The following DSCAM variants were observed in gnomAD, a reference collection of about 807,000 sequenced individuals.
DSCAM encodes the protein DS cell adhesion molecule, also known as cell adhesion molecule DSCAM.
Under a neutral mutation model 217.7 loss-of-function variants are expected in DSCAM, and 47 were observed. The observed-to-expected ratio is 0.22, with a 90% CI of 0.17 to 0.28. The LOEUF (loss-of-function observed/expected upper bound fraction) is 0.28. DSCAM is among the 10% of genes least tolerant of loss of function. The probability of loss-of-function intolerance (pLI) is 1.00; values close to 1 mark genes in which losing one functional copy is unlikely to be tolerated. For synonymous variants in DSCAM, 1,056 were observed against 1,015.3 expected (o/e 1.04, Z -0.76); for missense variants, 2,080 against 2,618.3 (o/e 0.79, Z 4.49).
At chr21:40,202,534 A>T (rs1012381577) in intron 11 of DSCAM, among the ~76,000 whole-genome samples, 1 of 152,224 alleles carries the variant, frequency 6.6e-6, no homozygotes, top group Admixed American at 6.5e-5. Context: ...CTGTGCCTCA[A>T]TTTCTGTACC....
chr21:40,248,059 T>C (rs1177237031), intron 11 of DSCAM, among the ~76,000 whole-genome samples: 1 of 152,162 alleles, frequency 6.6e-6, no homozygotes, highest in Non-Finnish European at 1.5e-5. Flanking sequence ...CTTTTAGTCA[T>C]GGCTGGAGTG....
chr21:40,767,739 T>C (rs1290617884), intron 1 of DSCAM, among the ~76,000 whole-genome samples: 1 of 152,206 alleles, frequency 6.6e-6, no homozygotes, highest in Non-Finnish European at 1.5e-5. Context: ...GTCCTGAGCA[T>C]CACAGCTAAT....
intron 28 of DSCAM, among the ~76,000 whole-genome samples, chr21:40,059,370 A>G (rs952649048): frequency 3.3e-5 from 5 of 152,238 alleles, no homozygotes; most frequent in Non-Finnish European, 7.3e-5. Context: ...AAAATCTTAC[A>G]TAAAAATATA....
At chr21:40,664,061 T>C (rs777859973) in intron 3 of DSCAM, among the ~76,000 whole-genome samples, 10 of 152,232 alleles carry the variant, frequency 6.6e-5, no homozygotes, top group Non-Finnish European at 1.2e-4. Flanking sequence ...CTACAACATA[T>C]GCACAAATAA....
intron 3 of DSCAM, among the ~76,000 whole-genome samples, chr21:40,690,183 T>C (rs980083370): frequency 1.3e-5 from 2 of 152,228 alleles, no homozygotes; most frequent in Non-Finnish European, 2.9e-5. Context: ...AGTGACTTCA[T>C]GACCTCCTTT....
chr21:40,569,453 G>A (rs2076789599), intron 3 of DSCAM, among the ~76,000 whole-genome samples: 1 of 152,188 alleles, frequency 6.6e-6, no homozygotes, highest in Admixed American at 6.5e-5. Flanking sequence ...GATTTAAGAG[G>A]AAAACTGAAG....
At chr21:40,525,192 T>C (rs2076391296) in intron 3 of DSCAM, among the ~76,000 whole-genome samples, 2 of 152,154 alleles carry the variant, frequency 1.3e-5, no homozygotes, top group Admixed American at 1.3e-4. Flanking sequence ...GTCCCAAAAG[T>C]GGATTTTATT....
chr21:40,763,394 A>T (rs1056843637), intron 1 of DSCAM, among the ~76,000 whole-genome samples: 1 of 152,182 alleles, frequency 6.6e-6, no homozygotes, highest in Non-Finnish European at 1.5e-5. Context: ...AAGGGATGCG[A>T]TAAGACCTCT....
intron 32 of DSCAM, among the ~76,000 whole-genome samples, chr21:40,021,205 CA>C (rs763435750): frequency 0.042 from 3,555 of 85,048 alleles, 84 homozygotes; most frequent in African/African-American, 0.14. Context: ...GACTCCGTCT[CA>C]AAAAAAAAAA....
At chr21:40,656,685 G>A (rs905066391) in intron 3 of DSCAM, among the ~76,000 whole-genome samples, 3 of 152,052 alleles carry the variant, frequency 2.0e-5, no homozygotes, top group South Asian at 2.1e-4. Flanking sequence ...TCTCTTCCTC[G>A]CTGTCTTTGA....
chr21:40,184,890 C>A (rs970391739), intron 14 of DSCAM, among the ~76,000 whole-genome samples: 3 of 152,140 alleles, frequency 2.0e-5, no homozygotes, highest in African/African-American at 7.2e-5. Context: ...TATTTTCCTG[C>A]ATGCTGGAGC....
intron 27 of DSCAM, among the ~76,000 whole-genome samples, chr21:40,066,869 C>T (rs1018353875): frequency 7.9e-5 from 12 of 152,296 alleles, no homozygotes; most frequent in African/African-American, 2.9e-4. Flanking sequence ...CCTGATTGCT[C>T]ACAAAACATC....
chr21:40,694,088 A>G (rs561002972), intron 2 of DSCAM, among the ~76,000 whole-genome samples: 1 of 152,242 alleles, frequency 6.6e-6, no homozygotes, highest in African/African-American at 2.4e-5. Context: ...ACACTTACCA[A>G]TAGCCAGAGA....
At chr21:40,379,894 C>T (rs1460939503) in intron 3 of DSCAM, among the ~76,000 whole-genome samples, 2 of 152,100 alleles carry the variant, frequency 1.3e-5, no homozygotes, top group Admixed American at 1.3e-4. Context: ...AGAGTATCAT[C>T]AAGATATCCA....
chr21:40,659,276 G>A (rs10854404), intron 3 of DSCAM, among the ~76,000 whole-genome samples: 37,864 of 152,038 alleles, frequency 0.25, 5,557 homozygotes, highest in East Asian at 0.4. Context: ...ATTGTCTGGT[G>A]TACTCCTGTT....
intron 4 of DSCAM, among the ~76,000 whole-genome samples, chr21:40,361,664 G>T (rs927461446): frequency 3.9e-5 from 6 of 152,036 alleles, no homozygotes; most frequent in South Asian, 4.2e-4. Flanking sequence ...AACAAAAAAG[G>T]GAAGCTATGT....
At chr21:40,685,465 C>G (rs539025338) in intron 3 of DSCAM, among the ~76,000 whole-genome samples, 5 of 152,268 alleles carry the variant, frequency 3.3e-5, no homozygotes, top group African/African-American at 1.2e-4. Context: ...TGACCTGCCC[C>G]CAAAGGAAAC....
chr21:40,449,031 T>G (rs925519141), intron 3 of DSCAM, among the ~76,000 whole-genome samples: 1 of 152,206 alleles, frequency 6.6e-6, no homozygotes, highest in African/African-American at 2.4e-5. Context: ...TTTCCAGCTT[T>G]CAGAGGCTGC....
In DSCAM at chr21:40,766,126, C is replaced by T. The variant is rs1455675685; in HGVS notation, c.44-57355G>A. ...GCGGCCGTTTCCCTCCTCTCAGCTC[C>T]GTCAACTAGCAAAAGGGGTTGGGGG... On this transcript the variant is annotated intron_variant, in intron 1 of 32. Transcript: ENST00000400454. 2.6e-5 allele frequency among the ~76,000 whole-genome samples: 4 copies of T among 152,030 alleles called. No homozygotes were observed. In the South Asian group the frequency reaches 6.2e-4, roughly 24 times the overall value.
Sources: gnomAD v4.1 joint callset for allele counts (sites outside exome capture counted in the v4.1 genomes callset) on GRCh38, gnomAD v4.1.1 for gene constraint, MANE v1.5 for transcripts, NCBI Gene and HGNC (gene_info 2026-07-23, HGNC 2026-07-21) for gene names.